Variants in DNAAF11 observed in about 807,000 individuals in gnomAD.
The protein encoded by DNAAF11 is leucine rich repeat containing 6.
A neutral mutation model predicts 60.8 loss-of-function variants in DNAAF11; 45 were observed. The ratio of observed to expected loss-of-function variants is 0.74; its 90% CI spans 0.58 to 0.95. DNAAF11 has a LOEUF of 0.95. Among genes scored for constraint, DNAAF11 ranks in the 40% least tolerant of loss-of-function variants. The pLI is 0.00. For synonymous variants in DNAAF11, 191 were observed against 183.5 expected (o/e 1.04, Z -0.33); for missense variants, 546 against 546.2 (o/e 1.00, Z 0.00).
At chr8:132,573,123 G>A (rs1227333375) in intron 11 of DNAAF11, among the ~76,000 whole-genome samples, 1 of 152,064 alleles carries the variant, frequency 6.6e-6, no homozygotes, top group Non-Finnish European at 1.5e-5. Flanking sequence ...TACAGATATA[G>A]ATATAGATAT....
At chr8:132,651,914 C>T (rs758187277) in intron 3 of DNAAF11, among the ~76,000 whole-genome samples, 3 of 152,158 alleles carry the variant, frequency 2.0e-5, no homozygotes, top group Non-Finnish European at 2.9e-5. Flanking sequence ...TGATGAAAAG[C>T]ATCATCTTGA....
At chr8:132,701,405 T>C in the DNAAF11 span, among the ~76,000 whole-genome samples, 6 of 152,178 alleles carry the variant, frequency 3.9e-5, no homozygotes, top group Non-Finnish European at 1.5e-5. Context: ...AGATGGACAC[T>C]GGACTTAGAC....
chr8:132,578,705 G>A (rs1467857399), intron 11 of DNAAF11, among the ~76,000 whole-genome samples: 1 of 152,182 alleles, frequency 6.6e-6, no homozygotes, highest in Non-Finnish European at 1.5e-5. Context: ...ACCTCCCACT[G>A]AAAACTTTCT....
At chr8:132,607,834 T>C (rs73355141) in intron 10 of DNAAF11, among the ~76,000 whole-genome samples, 11,656 of 152,082 alleles carry the variant, frequency 0.077, 1,211 homozygotes, top group African/African-American at 0.24. Flanking sequence ...CACACACACA[T>C]ATATCACAGT....
intron 5 of DNAAF11, among the ~76,000 whole-genome samples, chr8:132,629,352 TC>T (rs1296535862): frequency 6.6e-6 from 1 of 151,136 alleles, no homozygotes; most frequent in Non-Finnish European, 1.5e-5. Flanking sequence ...TTTTTTTTTT[TC>T]TTTTTTTTTT....
At chr8:132,635,009 A>G (rs1821155402) in intron 4 of DNAAF11, among the ~76,000 whole-genome samples, 1 of 152,176 alleles carries the variant, frequency 6.6e-6, no homozygotes, top group South Asian at 2.1e-4. Context: ...TTAGAACTAC[A>G]TTCCTAAAAG....
the DNAAF11 span, among the ~76,000 whole-genome samples, chr8:132,699,523 GA>G: frequency 2.0e-5 from 3 of 152,168 alleles, no homozygotes; most frequent in Non-Finnish European, 4.4e-5. Flanking sequence ...CTGGAAGAGT[GA>G]AAAGAGGGAA....
intron 1 of DNAAF11, among the ~76,000 whole-genome samples, chr8:132,661,956 T>C (rs1270172627): frequency 6.6e-6 from 1 of 152,204 alleles, no homozygotes; most frequent in Non-Finnish European, 1.5e-5. Flanking sequence ...CTTATGGTGG[T>C]ACCATGTTAA....
chr8:132,604,436 T>C (rs1221817497), intron 10 of DNAAF11, among the ~76,000 whole-genome samples: 1 of 152,210 alleles, frequency 6.6e-6, no homozygotes, highest in Non-Finnish European at 1.5e-5. Context: ...TCAGTTCACA[T>C]GGCAACTTCC....
intron 10 of DNAAF11, among the ~76,000 whole-genome samples, chr8:132,603,389 T>G (rs1817825666): frequency 6.6e-6 from 1 of 152,102 alleles, no homozygotes; most frequent in African/African-American, 2.4e-5. Flanking sequence ...AAGCACCTGG[T>G]GGCAAAGGAC....
Position 132,660,238 on chromosome 8 carries a change from T to A in DNAAF11, c.178+1222A>T, listed in dbSNP as rs538723316. Among the ~76,000 whole-genome samples, 37 of 152,018 alleles carry A rather than the reference T, an allele frequency of 2.4e-4. 1 individual carries two copies. In the South Asian group the frequency reaches 7.3e-3, roughly 30 times the overall value. Reference sequence around the variant, plus strand: ...AATGAGTACTTATCTTTTTTTTTTTTAATTATACTTTAAGTTTTAGGGTAC... The same window carrying A: ...AATGAGTACTTATCTTTTTTTTTTTAAATTATACTTTAAGTTTTAGGGTAC... On this transcript the variant is annotated intron_variant, in intron 2 of 11. Transcript: ENST00000620350.
chr8:132,668,195 A>T (rs1824821286), intron 1 of DNAAF11, among the ~76,000 whole-genome samples: 1 of 152,214 alleles, frequency 6.6e-6, no homozygotes, highest in Non-Finnish European at 1.5e-5. Flanking sequence ...AAACTCTTAA[A>T]AGCAGGATTG....
intron 6 of DNAAF11, among the ~76,000 whole-genome samples, chr8:132,623,262 T>G (rs1819934737): frequency 6.6e-6 from 1 of 152,156 alleles, no homozygotes; most frequent in Admixed American, 6.6e-5. Flanking sequence ...ATAAAATATT[T>G]TGCAGCTATT....
At chr8:132,675,806 G>A (rs1038948411), upstream of DNAAF11, among the ~76,000 whole-genome samples, 2 of 152,208 alleles carry the variant, frequency 1.3e-5, no homozygotes. Flanking sequence ...AGTGAACAAA[G>A]TATGAGGACG....
rs1288347515 is a variant in DNAAF11, at chr8:132,656,936, A to G, written c.179-29T>C. On this transcript the variant is annotated intron_variant, in intron 2 of 11. Coordinates refer to ENST00000620350, the MANE Select transcript of DNAAF11 (RefSeq NM_012472.6). ...AAATACAAGATAATGTAGTTAAGATAATTAATCTTCAAAATAAAGACACTT... is the reference window on the plus strand; with the variant it reads ...AAATACAAGATAATGTAGTTAAGATGATTAATCTTCAAAATAAAGACACTT... The G allele has an allele frequency of 4.3e-6, 3 of 702,022 alleles. No individual in the cohort carries two copies. The East Asian group carries it at 8.0e-5, about 19-fold the overall frequency. 43.5% of individuals were successfully genotyped at this position (702,022 alleles called of 1,614,324 possible). A position where few individuals can be genotyped will look rare whatever the true frequency, so the allele number is the denominator to read the frequency against.
At chr8:132,683,593 G>T in the DNAAF11 span, among the ~76,000 whole-genome samples, 1 of 152,188 alleles carries the variant, frequency 6.6e-6, no homozygotes, top group Non-Finnish European at 1.5e-5. Context: ...GCCCCTGGGG[G>T]TGAAGGCAGC....
the DNAAF11 span, among the ~76,000 whole-genome samples, chr8:132,695,014 A>G: frequency 1.3e-5 from 2 of 152,344 alleles, no homozygotes; most frequent in South Asian, 4.1e-4. Flanking sequence ...GGGAGTCATT[A>G]CTTCAAATAC....
At position 132,648,194 on chromosome 8, in the gene DNAAF11, G is replaced by A. The variant is rs539312314; in HGVS notation, c.256+8636C>T. Among the ~76,000 whole-genome samples the A allele has an allele frequency of 3.9e-5, 6 of 152,294 alleles. No individual in the cohort carries two copies. The South Asian group carries it at 1.0e-3, about 26-fold the overall frequency. Reference sequence around the variant, plus strand: ...GTGGGCTTCATCCCTGGGATGCAAGGCTGGTTCAACATATGCAAACCGATA... The same window carrying A: ...GTGGGCTTCATCCCTGGGATGCAAGACTGGTTCAACATATGCAAACCGATA... On this transcript the variant is annotated intron_variant, in intron 3 of 11. Transcript: ENST00000620350.
intron 1 of DNAAF11, among the ~76,000 whole-genome samples, chr8:132,663,681 G>A (rs532720715): frequency 5.9e-5 from 9 of 152,288 alleles, no homozygotes; most frequent in East Asian, 5.8e-4. Context: ...CCAGGAGGAC[G>A]TGCCCATCCA....
Sources: gnomAD v4.1 joint callset for allele counts (sites outside exome capture counted in the v4.1 genomes callset) on GRCh38, gnomAD v4.1.1 for gene constraint, MANE v1.5 for transcripts, NCBI Gene and HGNC (gene_info 2026-07-23, HGNC 2026-07-21) for gene names.